CFAP299: variants seen among roughly 807,000 people sequenced by gnomAD.
CFAP299 encodes cilia- and flagella-associated protein 299.
CFAP299 carries 21 observed loss-of-function variants against 27.0 expected under a neutral mutation model. The ratio of observed to expected loss-of-function variants is 0.78; its 90% confidence interval spans 0.55 to 1.12. The LOEUF (loss-of-function observed/expected upper bound fraction) is 1.12. CFAP299 is among the 50% of genes most tolerant of loss of function. The pLI is 0.00. For synonymous variants in CFAP299, 104 were observed against 98.1 expected, an observed-to-expected ratio of 1.06 and a Z score of -0.36; for missense variants, 310 against 276.6, an observed-to-expected ratio of 1.12 and a Z score of -0.86.
intron 4 of CFAP299, among the ~76,000 whole-genome samples, chr4:80,920,031 A>G (rs17005002): frequency 0.019 from 2,893 of 152,224 alleles, 72 homozygotes; most frequent in African/African-American, 0.064. Flanking sequence ...CTCTATGCAA[A>G]GTACTACTCC....
intron 1 of CFAP299, among the ~76,000 whole-genome samples, chr4:80,348,216 A>G (rs1202826749): frequency 2.0e-5 from 3 of 152,168 alleles, no homozygotes; most frequent in Non-Finnish European, 4.4e-5. Context: ...CTAGGCAGTA[A>G]CACTCAGGAC....
At chr4:80,942,755 T>C (rs1737263895) in intron 4 of CFAP299, among the ~76,000 whole-genome samples, 1 of 152,188 alleles carries the variant, frequency 6.6e-6, no homozygotes, top group Non-Finnish European at 1.5e-5. Flanking sequence ...AGTATTTTGG[T>C]AGAATTATCT....
intron 2 of CFAP299, among the ~76,000 whole-genome samples, chr4:80,577,647 C>T (rs1275261196): frequency 6.6e-6 from 1 of 152,072 alleles, no homozygotes; most frequent in Non-Finnish European, 1.5e-5. Context: ...GTGATCTGCA[C>T]ACCTCGGCCT....
chr4:80,692,222 A>T (rs1001789080), intron 3 of CFAP299, among the ~76,000 whole-genome samples: 2 of 152,228 alleles, frequency 1.3e-5, no homozygotes, highest in African/African-American at 4.8e-5. Flanking sequence ...ACCAAAAAAG[A>T]GCCCGCATCA....
chr4:80,529,227 T>C (rs1054372886), intron 2 of CFAP299, among the ~76,000 whole-genome samples: 4 of 152,148 alleles, frequency 2.6e-5, no homozygotes, highest in Non-Finnish European at 5.9e-5. Flanking sequence ...TCCAGTCCTT[T>C]CCATGGTTTT....
chr4:80,730,329 CAGTGTAT>C, intron 3 of CFAP299, among the ~76,000 whole-genome samples: 1 of 88,362 alleles, frequency 1.1e-5, no homozygotes, highest in South Asian at 4.8e-4. Context: ...GGCAGTGTAT[CAGTGTAT>C]CCCCCAGGGT....
At position 80,840,369 on chromosome 4, in the gene CFAP299, A is replaced by G. The variant is rs186283468; in HGVS notation, c.334-29624A>G. On this transcript the variant is annotated intron_variant, in intron 3 of 5. Transcript: ENST00000358105. ...AGAACTTAGATGACATGACATTTAA[A>G]CTGACATCAGTGAAAGTAGACAAGT... 2.2e-4 allele frequency among the ~76,000 whole-genome samples: 34 copies of G among 152,276 alleles called. No homozygotes were observed. In the Middle Eastern group the frequency reaches 0.01, roughly 46 times the overall value.
chr4:80,521,377 T>C (rs970236258), intron 2 of CFAP299, among the ~76,000 whole-genome samples: 2 of 152,212 alleles, frequency 1.3e-5, no homozygotes, highest in African/African-American at 4.8e-5. Flanking sequence ...TTCTGGTATA[T>C]GAAACTAGTG....
chr4:80,746,153 A>C (rs978296238), intron 3 of CFAP299, among the ~76,000 whole-genome samples: 1 of 151,980 alleles, frequency 6.6e-6, no homozygotes, highest in African/African-American at 2.4e-5. Flanking sequence ...CCACTTATTA[A>C]ATTTTTGGAC....
intron 5 of CFAP299, among the ~76,000 whole-genome samples, chr4:80,954,913 T>C (rs956302386): frequency 7.2e-6 from 1 of 138,338 alleles, no homozygotes; most frequent in African/African-American, 2.7e-5. Flanking sequence ...GGCAGGAGAA[T>C]GGCGTGAACC....
At chr4:80,835,460 A>G (rs1438722980) in intron 3 of CFAP299, among the ~76,000 whole-genome samples, 1 of 151,064 alleles carries the variant, frequency 6.6e-6, no homozygotes, top group African/African-American at 2.4e-5. Context: ...AGTAAACACA[A>G]CTGAGTATAG....
intron 3 of CFAP299, among the ~76,000 whole-genome samples, chr4:80,782,733 A>T (rs1334203856): frequency 2.2e-5 from 3 of 137,218 alleles, no homozygotes; most frequent in African/African-American, 8.1e-5. Context: ...TATATAATAT[A>T]TTCACATATG....
chr4:80,800,186 G>A (rs189072687), intron 3 of CFAP299, among the ~76,000 whole-genome samples: 19,607 of 59,672 alleles, frequency 0.33, 3,460 homozygotes, highest in African/African-American at 0.53. Context: ...ATAATAATAT[G>A]TAATACTATA....
intron 3 of CFAP299, among the ~76,000 whole-genome samples, chr4:80,854,866 A>T (rs963795339): frequency 6.6e-6 from 1 of 150,890 alleles, no homozygotes; most frequent in Admixed American, 6.6e-5. Context: ...TTGAAACGGT[A>T]TCAGAATTTT....
At chr4:80,864,377 A>C (rs958022251) in intron 3 of CFAP299, among the ~76,000 whole-genome samples, 1 of 147,372 alleles carries the variant, frequency 6.8e-6, no homozygotes, top group African/African-American at 2.5e-5. Context: ...TAGTGGTTTT[A>C]TTGTCAATTG....
chr4:80,696,912 T>C (rs1482180441), intron 3 of CFAP299, among the ~76,000 whole-genome samples: 4 of 152,220 alleles, frequency 2.6e-5, no homozygotes, highest in Admixed American at 2.0e-4. Flanking sequence ...GTGATCTTTA[T>C]GCATAGACAA....
intron 3 of CFAP299, among the ~76,000 whole-genome samples, chr4:80,597,719 G>T (rs1175119193): frequency 6.6e-6 from 1 of 151,576 alleles, no homozygotes; most frequent in South Asian, 2.1e-4. Context: ...ATGGAGTATT[G>T]CTCTGTCACC....
intron 3 of CFAP299, chr4:80,608,370 A>G (rs749753521): frequency 4.8e-5 from 74 of 1,530,172 alleles, no homozygotes; most frequent in Middle Eastern, 3.3e-4. Context: ...CATATCTTGA[A>G]GAAGCAACTG....
intron 3 of CFAP299, among the ~76,000 whole-genome samples, chr4:80,852,444 GAGAC>G (rs1257228962): frequency 6.6e-6 from 1 of 152,288 alleles, no homozygotes; most frequent in African/African-American, 2.4e-5. Flanking sequence ...CAGAAAGAGA[GAGAC>G]AGAGGGAGAG....
Sources: allele counts gnomAD v4.1 joint callset (sites outside exome capture counted in the v4.1 genomes callset), GRCh38; gene constraint gnomAD v4.1.1; transcripts MANE v1.5; gene names NCBI Gene and HGNC (gene_info 2026-07-23, HGNC 2026-07-21).